DIPK2A: variants seen among roughly 807,000 people sequenced by gnomAD.
The protein encoded by DIPK2A is Golgi Protein of 49 kDa.
Under a neutral mutation model 39.0 loss-of-function variants are expected in DIPK2A, and 27 were observed. That is an observed-to-expected ratio of 0.69 (90% CI 0.51 to 0.96). The LOEUF is 0.96. DIPK2A is among the 40% of genes least tolerant of loss of function. The pLI, the probability that DIPK2A is intolerant of heterozygous loss-of-function variation, is 0.00. For missense variants in DIPK2A, 528 were observed against 571.3 expected (o/e 0.92, Z 0.77); for synonymous variants, 298 against 240.8 (o/e 1.24, Z -2.20).
intron 1 of DIPK2A, among the ~76,000 whole-genome samples, chr3:143,981,501 T>A (rs2087828750): frequency 6.6e-6 from 1 of 152,182 alleles, no homozygotes; most frequent in South Asian, 2.1e-4. Context: ...CTGCTTAATA[T>A]TAAACTCATC....
In DIPK2A at chr3:143,989,657, G is replaced by A. The variant is rs748974968; in HGVS notation, c.1109G>A (p.Arg370Lys). ...GCTGTTTGTCAGAACCTCTTATCCA[G>A]ACATGCCACCTGGCGTGGCACTTCT... ...YYAVCQNLLS[R>K]HATWRGTSGG... Residue 370 changes from arginine to lysine, a missense_variant, in exon 3 of 3, where the codon AGA becomes AAA. Around this residue, in one of 2 missense-constraint regions of DIPK2A, gnomAD observed 219 missense variants for 281.5 expected, o/e 0.78. Coordinates refer to ENST00000315691, the MANE Select transcript of DIPK2A (RefSeq NM_173552.5). 4 of 1,614,088 alleles carry A rather than the reference G, an allele frequency of 2.5e-6. No homozygotes were observed. The highest frequency in any genetic ancestry group is 1.1e-5 in the South Asian group (1 of 91,088).
intron 1 of DIPK2A, among the ~76,000 whole-genome samples, chr3:143,982,841 A>G (rs925599642): frequency 6.6e-5 from 10 of 152,168 alleles, no homozygotes; most frequent in Non-Finnish European, 1.2e-4. Context: ...TGCTGTATTC[A>G]GGAGACCCAT....
chr3:143,973,170 C>A, intron 1 of DIPK2A, 181 bp downstream of exon 1: 1 of 1,045,758 alleles, frequency 9.6e-7, no homozygotes, highest in Non-Finnish European at 1.4e-6. Context: ...AGGCCGAGGG[C>A]GACCCCGCTG....
chr3:143,989,832 C>G lies in DIPK2A; in HGVS notation c.1284C>G (p.Asn428Lys). Reference sequence around the variant, plus strand: ...AATACCTAGCACAATTAAGTAACAACGTGAGGTAGTCTATGGTGAACTTTT... The same window carrying G: ...AATACCTAGCACAATTAAGTAACAAGGTGAGGTAGTCTATGGTGAACTTTT... ...LREYLAQLSN[N>K]VR Residue 428 changes from asparagine (N) to lysine (K), a missense_variant, in exon 3 of 3, where the codon AAC (asparagine) becomes AAG (lysine). Asn to Lys is a moderately conservative substitution (Grantham distance 94, BLOSUM62 0). Transcript: ENST00000315691. 1 of 1,610,964 alleles carries G rather than the reference C, an allele frequency of 6.2e-7. No individual in the cohort carries two copies. Among genetic ancestry groups the G allele is most frequent in the Non-Finnish European group, 8.5e-7 (1 of 1,177,426 alleles).
In DIPK2A at chr3:143,991,255, T is replaced by G; in HGVS notation, c.*1414T>G. ...ATCTTTTTCTAAATCAGAAAGTGAT[T>G]AAAGTATGCACAACCAAAGGCAGGT... On this transcript the variant is annotated 3_prime_UTR_variant, in exon 3 of 3. Coordinates refer to ENST00000315691, the MANE Select transcript of DIPK2A (RefSeq NM_173552.5). 6.6e-6 allele frequency: 1 copy of G among 152,662 alleles called. No individual in the cohort carries two copies. The highest frequency in any genetic ancestry group is 1.9e-4 in the East Asian group (1 of 5,204). 9.5% of individuals were successfully genotyped at this position (152,662 alleles called of 1,614,324 possible). A position where few individuals can be genotyped will look rare whatever the true frequency, so the allele number is the denominator to read the frequency against.
intron 1 of DIPK2A, among the ~76,000 whole-genome samples, chr3:143,974,490 T>C (rs940503989): frequency 2.6e-5 from 4 of 152,234 alleles, no homozygotes; most frequent in Admixed American, 6.5e-5. Context: ...CCTGTATTTA[T>C]GATGTACATA....
rs1020626438 is a variant in DIPK2A, at chr3:143,978,590, C to A, written c.657+5601C>A. 8.9e-5 allele frequency: 6 copies of A among 67,524 alleles called. No individual in the cohort carries two copies. In the East Asian group the frequency reaches 1.1e-3, roughly 12 times the overall value. The allele number at this position is 67,524 out of a possible 1,614,324, so 4.2% of individuals were successfully genotyped here. On this transcript the variant is annotated intron_variant, in intron 1 of 2. Coordinates refer to ENST00000315691, the MANE Select transcript of DIPK2A (RefSeq NM_173552.5). Reference sequence around the variant, plus strand: ...AGCCCTGTACAAAAGGTATCTATATCTATCTATCTATCTATATATATATAT... The same window carrying A: ...AGCCCTGTACAAAAGGTATCTATATATATCTATCTATCTATATATATATAT...
In DIPK2A at chr3:143,990,144, A is replaced by G. The variant is rs1476308966; in HGVS notation, c.*303A>G. 13 of 286,548 alleles carry G rather than the reference A, an allele frequency of 4.5e-5. No homozygotes were observed. Among genetic ancestry groups the G allele is most frequent in the East Asian group, 2.8e-4 (4 of 14,044 alleles). 17.8% of individuals were successfully genotyped at this position (286,548 alleles called of 1,614,324 possible). ...TGTTAAGCTATTGGAAATGAGTCTGATAGTACATTGGCTTGTGTATCAAAG... is the reference window on the plus strand; with the variant it reads ...TGTTAAGCTATTGGAAATGAGTCTGGTAGTACATTGGCTTGTGTATCAAAG... On this transcript the variant is annotated 3_prime_UTR_variant, in exon 3 of 3. Coordinates refer to ENST00000315691, the MANE Select transcript of DIPK2A (RefSeq NM_173552.5).
In DIPK2A at chr3:143,991,769, T is replaced by C. The variant is rs1434832164; in HGVS notation, c.*1928T>C. On this transcript the variant is annotated 3_prime_UTR_variant, in exon 3 of 3. Coordinates refer to ENST00000315691, the MANE Select transcript of DIPK2A (RefSeq NM_173552.5). ...AAACACTCACCTCTTACTCAAAACT[T>C]CAAATAAAATACACATTTTCAAGAG... The C allele has an allele frequency of 2.0e-5, 3 of 152,238 alleles. No homozygotes were observed. The highest frequency in any genetic ancestry group is 2.0e-4 in the Admixed American group (3 of 15,286). The allele number at this position is 152,238 out of a possible 1,614,324, so 9.4% of individuals were successfully genotyped here.
At position 143,985,657 on chromosome 3, in the gene DIPK2A, G is replaced by A. The variant is rs1382711443; in HGVS notation, c.772G>A (p.Glu258Lys). ...ELWSYFNAPW[E>K]KRVDLAWQLM... ...GTGGAGTTACTTTAATGCGCCATGG[G>A]AAAAACGAGTTGACCTCGCTTGGCA... Residue 258 changes from glutamate to lysine, a missense_variant, in exon 2 of 3, where the codon GAA becomes AAA. This residue lies in a region of DIPK2A where 219 missense variants were observed against 281.5 expected (regional missense o/e 0.78). Coordinates refer to ENST00000315691, the MANE Select transcript of DIPK2A (RefSeq NM_173552.5). 2 of 1,614,156 alleles carry A rather than the reference G, an allele frequency of 1.2e-6. No individual in the cohort carries two copies. Among genetic ancestry groups the A allele is most frequent in the Admixed American group, 3.3e-5 (2 of 60,010 alleles).
intron 2 of DIPK2A, 62 bp from the exon 3 acceptor site, chr3:143,989,448 T>C: frequency 4.2e-6 from 4 of 960,680 alleles, no homozygotes; most frequent in Admixed American, 2.6e-5. Flanking sequence ...TATTCTATTT[T>C]TGGAAGCAAT....
At chr3:143,976,583 AG>A (rs1447421118) in intron 1 of DIPK2A, among the ~76,000 whole-genome samples, 28 of 149,086 alleles carry the variant, frequency 1.9e-4, no homozygotes, top group African/African-American at 5.2e-4. Context: ...AGAGAGAGAG[AG>A]ATGCTGTCTG....
In DIPK2A at chr3:143,985,600, A is replaced by G; in HGVS notation, c.715A>G (p.Met239Val). The G allele has an allele frequency of 1.9e-6, 3 of 1,614,194 alleles. No individual in the cohort carries two copies. The highest frequency in any genetic ancestry group is 2.5e-6 in the Non-Finnish European group (3 of 1,180,016). Residue 239 changes from methionine (M) to valine (V), a missense_variant, in exon 2 of 3, where the codon ATG (methionine) becomes GTG (valine). Transcript: ENST00000315691. Reference protein sequence around the residue: ...FAKYLGACGRMVAVNYVGEEL... With the variant: ...FAKYLGACGRVVAVNYVGEEL... The stretch of plus-strand genomic sequence containing the variant: ...AAAGTATCTTGGAGCTTGTGGAAGA[A>G]TGGTGGCTGTAAATTATGTTGGAGA...
At chr3:143,973,507 C>A (rs747341514) in intron 1 of DIPK2A, 7 of 1,551,482 alleles carry the variant, frequency 4.5e-6, no homozygotes, top group Non-Finnish European at 6.1e-6. Flanking sequence ...CATTTGGACA[C>A]CTAATTCGAG....
At chr3:143,973,386 TC>T in intron 1 of DIPK2A, 1 of 1,548,946 alleles carries the variant, frequency 6.5e-7, no homozygotes. Context: ...CTTGGACCTT[TC>T]CTAGTTCTTC....
Position 143,991,947 on chromosome 3 carries a change from G to A in DIPK2A, c.*2106G>A, listed in dbSNP as rs2087994526. The A allele has an allele frequency of 6.6e-6, 1 of 152,342 alleles. No individual in the cohort carries two copies. Among genetic ancestry groups the A allele is most frequent in the African/African-American group, 2.4e-5 (1 of 41,456 alleles). The allele number at this position is 152,342 out of a possible 1,614,324, so 9.4% of individuals were successfully genotyped here. A position where few individuals can be genotyped will look rare whatever the true frequency, so the allele number is the denominator to read the frequency against. ...AGAAAGTGAGAAAACACTGCCAGCGGTGATTGCTACTTGAGGTAGTTTTTT... is the reference window on the plus strand; with the variant it reads ...AGAAAGTGAGAAAACACTGCCAGCGATGATTGCTACTTGAGGTAGTTTTTT... On this transcript the variant is annotated 3_prime_UTR_variant, in exon 3 of 3. Transcript: ENST00000315691.
chr3:143,975,247 G>A (rs1184591798), intron 1 of DIPK2A, among the ~76,000 whole-genome samples: 2 of 152,062 alleles, frequency 1.3e-5, no homozygotes. Flanking sequence ...TTATAGCTGA[G>A]TACATACTGT....
At chr3:143,987,762 T>C (rs1250680496) in intron 2 of DIPK2A, among the ~76,000 whole-genome samples, 1 of 152,216 alleles carries the variant, frequency 6.6e-6, no homozygotes, top group East Asian at 1.9e-4. Context: ...TCCTTGCTTG[T>C]CCACTGTTTT....
At chr3:143,981,251 A>G (rs2087824634) in intron 1 of DIPK2A, among the ~76,000 whole-genome samples, 1 of 152,192 alleles carries the variant, frequency 6.6e-6, no homozygotes, top group Non-Finnish European at 1.5e-5. Context: ...CTGAACATCA[A>G]GATTTTGACA....
Sources: gnomAD v4.1 joint callset for allele counts (sites outside exome capture counted in the v4.1 genomes callset) on GRCh38, gnomAD v4.1.1 for gene constraint, gnomAD v4.1.1 regional missense constraint, MANE v1.5 for transcripts, NCBI Gene and HGNC (gene_info 2026-07-23, HGNC 2026-07-21) for gene names.